The following SLC35F1 variants were observed in gnomAD, a reference collection of about 807,000 sequenced individuals.
SLC35F1 encodes chromosome 6 open reading frame 169.
A neutral mutation model predicts 48.7 loss-of-function variants in SLC35F1; 14 were observed. That is an observed-to-expected ratio of 0.29 (90% CI 0.19 to 0.45). SLC35F1 has a LOEUF of 0.45. SLC35F1 is among the 20% of genes least tolerant of loss of function. The pLI is 1.00. For missense variants in SLC35F1, 404 were observed against 500.0 expected (o/e 0.81, Z 1.83); for synonymous variants, 190 against 202.2 (o/e 0.94, Z 0.51).
At position 117,931,624 on chromosome 6, in the gene SLC35F1, T is replaced by C. The variant is rs9374689; in HGVS notation, c.173+23725T>C. ...TTTTTGTTTTGTTTTGTTTTGTTTTTAACTGCAGGTAGATCTACTTAATTG... is the reference window on the plus strand; with the variant it reads ...TTTTTGTTTTGTTTTGTTTTGTTTTCAACTGCAGGTAGATCTACTTAATTG... On this transcript the variant is annotated intron_variant, in intron 1 of 7. Coordinates refer to ENST00000360388, the MANE Select transcript of SLC35F1 (RefSeq NM_001029858.4). 3.9e-4 allele frequency among the ~76,000 whole-genome samples: 59 copies of C among 152,234 alleles called. No homozygotes were observed. In the East Asian group the frequency reaches 9.7e-3, roughly 25 times the overall value.
intron 2 of SLC35F1, among the ~76,000 whole-genome samples, chr6:118,182,777 T>C (rs1472893653): frequency 6.6e-6 from 1 of 152,166 alleles, no homozygotes; most frequent in Non-Finnish European, 1.5e-5. Context: ...TTCATTGTTA[T>C]GAAATGACAT....
chr6:118,230,952 C>A (rs932410195), intron 2 of SLC35F1, among the ~76,000 whole-genome samples: 2 of 152,038 alleles, frequency 1.3e-5, no homozygotes, highest in African/African-American at 2.4e-5. Flanking sequence ...CAGAGAGAGA[C>A]CCTGTCTGAA....
At chr6:117,957,064 A>G (rs1362165600) in intron 1 of SLC35F1, among the ~76,000 whole-genome samples, 1 of 152,124 alleles carries the variant, frequency 6.6e-6, no homozygotes, top group Non-Finnish European at 1.5e-5. Flanking sequence ...CTTGGTGGGC[A>G]TCTCTCCTCC....
intron 1 of SLC35F1, among the ~76,000 whole-genome samples, chr6:117,968,620 C>G (rs543479320): frequency 1.2e-4 from 18 of 152,260 alleles, no homozygotes; most frequent in African/African-American, 4.1e-4. Flanking sequence ...TTTGGATTGA[C>G]AGTTGTATAC....
At chr6:118,236,399 C>G (rs1349930809) in intron 3 of SLC35F1, among the ~76,000 whole-genome samples, 4 of 152,144 alleles carry the variant, frequency 2.6e-5, no homozygotes, top group Non-Finnish European at 5.9e-5. Flanking sequence ...CATACCATTG[C>G]AAAGCTCTAG....
chr6:118,316,262 G>C lies in SLC35F1; in HGVS notation c.*2010G>C, dbSNP rs576009926. ...AAATTATCTTCTCTGATATTCGGATGTAATGGTCATCTCAGTTCAGCCCCC... is the reference window on the plus strand; with the variant it reads ...AAATTATCTTCTCTGATATTCGGATCTAATGGTCATCTCAGTTCAGCCCCC... On this transcript the variant is annotated 3_prime_UTR_variant, in exon 8 of 8. Transcript: ENST00000360388. The C allele has an allele frequency of 1.3e-5, 2 of 152,524 alleles. No homozygotes were observed. Among genetic ancestry groups the C allele is most frequent in the East Asian group, 3.9e-4 (2 of 5,174 alleles). The allele number at this position is 152,524 out of a possible 1,614,324, so 9.4% of individuals were successfully genotyped here.
intron 1 of SLC35F1, among the ~76,000 whole-genome samples, chr6:118,083,581 T>C (rs1294189297): frequency 1.3e-5 from 2 of 152,222 alleles, no homozygotes; most frequent in African/African-American, 4.8e-5. Context: ...AATCCTTTTT[T>C]ACTAAATCCA....
intron 1 of SLC35F1, among the ~76,000 whole-genome samples, chr6:118,045,812 T>A (rs1403479978): frequency 6.6e-6 from 1 of 152,216 alleles, no homozygotes; most frequent in African/African-American, 2.4e-5. Flanking sequence ...TATGGTATTC[T>A]CACATGCTTT....
At chr6:117,985,841 G>A (rs1056458283) in intron 1 of SLC35F1, among the ~76,000 whole-genome samples, 2 of 152,326 alleles carry the variant, frequency 1.3e-5, no homozygotes, top group South Asian at 4.1e-4. Flanking sequence ...CTGTCTTAAA[G>A]TTAGGCCTCC....
intron 2 of SLC35F1, among the ~76,000 whole-genome samples, chr6:118,189,659 CAG>C (rs1234803730): frequency 1.3e-5 from 2 of 152,102 alleles, no homozygotes; most frequent in African/African-American, 4.8e-5. Context: ...TTAAATGTAA[CAG>C]AGTTTAATTG....
intron 2 of SLC35F1, among the ~76,000 whole-genome samples, chr6:118,223,934 C>T (rs1479271388): frequency 6.6e-6 from 1 of 152,220 alleles, no homozygotes; most frequent in Non-Finnish European, 1.5e-5. Context: ...TCATTAGCTG[C>T]TCCATGGCTC....
intron 1 of SLC35F1, among the ~76,000 whole-genome samples, chr6:117,935,339 A>G (rs938623969): frequency 2.6e-5 from 4 of 152,214 alleles, no homozygotes; most frequent in Non-Finnish European, 2.9e-5. Context: ...GTAAGTAAGC[A>G]AATACTGAAT....
chr6:118,041,361 C>T (rs1772217078), intron 1 of SLC35F1, among the ~76,000 whole-genome samples: 1 of 152,148 alleles, frequency 6.6e-6, no homozygotes, highest in Non-Finnish European at 1.5e-5. Flanking sequence ...GTGCAGTACA[C>T]ATACTCCAAC....
At chr6:118,173,132 T>C (rs553421537) in intron 2 of SLC35F1, among the ~76,000 whole-genome samples, 1 of 152,194 alleles carries the variant, frequency 6.6e-6, no homozygotes. Flanking sequence ...TTAGGTAACT[T>C]ACTAAAAATT....
At chr6:118,234,708 A>C (rs2114582320) in intron 2 of SLC35F1, among the ~76,000 whole-genome samples, 1 of 152,300 alleles carries the variant, frequency 6.6e-6, no homozygotes, top group African/African-American at 2.4e-5. Context: ...CCATTCACTA[A>C]GTTTCTGTAC....
intron 1 of SLC35F1, among the ~76,000 whole-genome samples, chr6:118,061,065 T>G (rs1168320088): frequency 6.6e-6 from 1 of 152,232 alleles, no homozygotes; most frequent in Non-Finnish European, 1.5e-5. Flanking sequence ...AGAATCCTCT[T>G]GATAAACTTA....
chr6:117,926,736 G>A (rs1776033794), intron 1 of SLC35F1, among the ~76,000 whole-genome samples: 1 of 152,088 alleles, frequency 6.6e-6, no homozygotes. Context: ...CAGGGCTTTG[G>A]AGTTAAGTTG....
chr6:117,965,978 C>T (rs551025304), intron 1 of SLC35F1, among the ~76,000 whole-genome samples: 14 of 150,516 alleles, frequency 9.3e-5, no homozygotes, highest in African/African-American at 1.2e-4. Context: ...GGTTTGTAAA[C>T]GCACCAGTCA....
chr6:118,241,856 A>C (rs1775445485), intron 3 of SLC35F1, among the ~76,000 whole-genome samples: 1 of 152,210 alleles, frequency 6.6e-6, no homozygotes, highest in African/African-American at 2.4e-5. Flanking sequence ...TTTTTTCACT[A>C]AGCATAATGT....
Sources: allele counts gnomAD v4.1 joint callset (sites outside exome capture counted in the v4.1 genomes callset), GRCh38; gene constraint gnomAD v4.1.1; transcripts MANE v1.5; gene names NCBI Gene and HGNC (gene_info 2026-07-23, HGNC 2026-07-21).